GPR37L1: variants seen among roughly 807,000 people sequenced by gnomAD.
GPR37L1 encodes G protein-coupled receptor 37 like 1, also known as G protein-coupled receptor 37-like 1.
A neutral mutation model predicts 18.0 loss-of-function variants in GPR37L1; 18 were observed. The observed-to-expected ratio is 1.00, with a 90% CI of 0.69 to 1.49. The LOEUF (loss-of-function observed/expected upper bound fraction) is 1.49. Ranked by LOEUF, GPR37L1 falls within the 40% of genes most tolerant of loss-of-function variation. The probability of loss-of-function intolerance (pLI) is 0.00; values close to 1 mark genes in which losing one functional copy is unlikely to be tolerated. For synonymous variants in GPR37L1, 256 were observed against 273.9 expected (o/e 0.93, Z 0.65); for missense variants, 558 against 615.1 (o/e 0.91, Z 0.98).
rs553879439 is a variant in GPR37L1 at position 202,123,099 on chromosome 1, A to T, written c.136A>T (p.Arg46Trp). The T allele has an allele frequency of 1.2e-6, 2 of 1,613,682 alleles. No individual in the cohort carries two copies. Among genetic ancestry groups the T allele is most frequent in the Admixed American group, 3.3e-5 (2 of 59,974 alleles). ...CCAGGAGCAGCAGAGCCGATCCAAG[A>T]GGGGCACCGAGGATGAGGAGGCCAA... The part of the protein sequence containing the change: ...ETQEQQSRSK[R>W]GTEDEEAKGV... Residue 46 changes from arginine to tryptophan, a missense_variant, in exon 1 of 2, where the codon AGG (arginine) becomes TGG (tryptophan). Coordinates refer to ENST00000367282, the MANE Select transcript of GPR37L1 (RefSeq NM_004767.5).
rs777492681 is a variant in GPR37L1, at chr1:202,123,112, A to G, written c.149A>G (p.Asp50Gly). Residue 50 changes from aspartate (D) to glycine (G), a missense_variant, in exon 1 of 2, where the codon GAT becomes GGT. Coordinates refer to ENST00000367282, the MANE Select transcript of GPR37L1 (RefSeq NM_004767.5). Reference protein sequence around the residue: ...QQSRSKRGTEDEEAKGVQQYV... With the variant: ...QQSRSKRGTEGEEAKGVQQYV... ...AGCCGATCCAAGAGGGGCACCGAGG[A>G]TGAGGAGGCCAAGGGCGTGCAGCAG... 28 of 1,613,584 alleles carry G rather than the reference A, an allele frequency of 1.7e-5. No individual in the cohort carries two copies. The highest frequency in any genetic ancestry group is 2.3e-5 in the Non-Finnish European group (27 of 1,179,864).
At chr1:202,126,124 G>A (rs1263249848) in intron 1 of GPR37L1, among the ~76,000 whole-genome samples, 1 of 152,048 alleles carries the variant, frequency 6.6e-6, no homozygotes, top group Admixed American at 6.6e-5. Flanking sequence ...AAATAGAAGG[G>A]CAGGGCCGGG....
Position 202,127,819 on chromosome 1 carries a change from C to A in GPR37L1, c.709C>A (p.Pro237Thr), listed in dbSNP as rs762545189. ...DRFHVATSTLPKVRPIERCQS... is the reference protein window; with the variant it reads ...DRFHVATSTLTKVRPIERCQS... ...CTTCCACGTGGCCACCAGCACCCTG[C>A]CCAAGGTGAGGCCCATCGAGCGGTG... Residue 237 changes from proline to threonine, a missense_variant, in exon 2 of 2, where the codon CCC becomes ACC. Physicochemically the swap from Pro to Thr is conservative, Grantham distance 38. Coordinates refer to ENST00000367282, the MANE Select transcript of GPR37L1 (RefSeq NM_004767.5). The A allele has an allele frequency of 6.2e-7, 1 of 1,613,462 alleles. No individual in the cohort carries two copies. The highest frequency in any genetic ancestry group is 8.5e-7 in the Non-Finnish European group (1 of 1,179,622).
At chr1:202,124,540 C>CCT (rs901130318) in intron 1 of GPR37L1, among the ~76,000 whole-genome samples, 2 of 151,992 alleles carry the variant, frequency 1.3e-5, no homozygotes, top group African/African-American at 2.4e-5. Context: ...GCAAGGCCAC[C>CCT]CTCTCTCTCT....
In GPR37L1 at chr1:202,132,736, G is replaced by A. The variant is rs906660905; in HGVS notation, c.*4180G>A. On this transcript the variant is annotated 3_prime_UTR_variant, in exon 2 of 2. Coordinates refer to ENST00000367282, the MANE Select transcript of GPR37L1 (RefSeq NM_004767.5). ...TGAGCAGGCAGGGTCACCAGGCTCT[G>A]AGGCAGCAGCTGTGAGCAGTGCCGA... 2 of 152,508 alleles carry A rather than the reference G, an allele frequency of 1.3e-5. No individual in the cohort carries two copies. Among genetic ancestry groups the A allele is most frequent in the Admixed American group, 1.3e-4 (2 of 15,268 alleles). The allele number at this position is 152,508 out of a possible 1,614,324, so 9.4% of individuals were successfully genotyped here.
In GPR37L1 at chr1:202,127,900, G is replaced by C. The variant is rs750912841; in HGVS notation, c.790G>C (p.Val264Leu). 1.9e-6 allele frequency: 3 copies of C among 1,613,810 alleles called. No individual in the cohort carries two copies. Among genetic ancestry groups the C allele is most frequent in the Non-Finnish European group, 1.7e-6 (2 of 1,180,020 alleles). Residue 264 changes from valine (V) to leucine (L), a missense_variant, in exon 2 of 2, where the codon GTG becomes CTG. Val to Leu is a conservative substitution (Grantham distance 32, BLOSUM62 1). Coordinates refer to ENST00000367282, the MANE Select transcript of GPR37L1 (RefSeq NM_004767.5). The part of the protein sequence containing the change: ...VIWVGSMTLA[V>L]PELLLWQLAQ... Reference sequence around the variant, plus strand: ...CTGGGTGGGCTCCATGACGCTGGCTGTGCCTGAGCTCCTGCTGTGGCAGCT... The same window carrying C: ...CTGGGTGGGCTCCATGACGCTGGCTCTGCCTGAGCTCCTGCTGTGGCAGCT...
chr1:202,126,209 A>T (rs962296813), intron 1 of GPR37L1, among the ~76,000 whole-genome samples: 1 of 152,104 alleles, frequency 6.6e-6, no homozygotes, highest in Non-Finnish European at 1.5e-5. Context: ...GGAGATCGAG[A>T]CCATCCTGGC....
chr1:202,132,352 A>G lies in GPR37L1; in HGVS notation c.*3796A>G, dbSNP rs549233220. 3.9e-5 allele frequency: 6 copies of G among 152,392 alleles called. No homozygotes were observed. The highest frequency in any genetic ancestry group is 1.4e-4 in the African/African-American group (6 of 41,592). The allele number at this position is 152,392 out of a possible 1,614,324, so 9.4% of individuals were successfully genotyped here. ...TTGCTTAGGAGTTGGGAGGTACCCT[A>G]GAATCACTTAGCTTCAGATGCCAAA... On this transcript the variant is annotated 3_prime_UTR_variant, in exon 2 of 2. Transcript: ENST00000367282.
Position 202,130,252 on chromosome 1 carries a change from G to T in GPR37L1, c.*1696G>T, listed in dbSNP as rs150666140. Reference sequence around the variant, plus strand: ...TTCCTCAGAACCACCCCCCCTGTCTGAAGCTCTGTCCTGGGTCCCACCAGA... The same window carrying T: ...TTCCTCAGAACCACCCCCCCTGTCTTAAGCTCTGTCCTGGGTCCCACCAGA... On this transcript the variant is annotated 3_prime_UTR_variant, in exon 2 of 2. Coordinates refer to ENST00000367282, the MANE Select transcript of GPR37L1 (RefSeq NM_004767.5). 595 of 152,586 alleles carry T rather than the reference G, an allele frequency of 3.9e-3. 2 individuals are homozygous for T. Among genetic ancestry groups the T allele is most frequent in the Middle Eastern group, 0.031 (9 of 294 alleles). The allele number at this position is 152,586 out of a possible 1,614,324, so 9.5% of individuals were successfully genotyped here.
At chr1:202,127,653 G>C (rs1654706927) in intron 1 of GPR37L1, 88 bp from the exon 2 acceptor site, 2 of 900,118 alleles carry the variant, frequency 2.2e-6, no homozygotes, top group Non-Finnish European at 3.5e-6. Flanking sequence ...TCAATTCATG[G>C]TCTAACTGAG....
intron 1 of GPR37L1, among the ~76,000 whole-genome samples, chr1:202,127,256 C>G (rs1442794663): frequency 6.6e-6 from 1 of 151,828 alleles, no homozygotes; most frequent in East Asian, 1.9e-4. Flanking sequence ...GGAGTTGTTA[C>G]CATTATTATA....
In GPR37L1 at chr1:202,128,396, A is replaced by ACTGCTG. The variant is rs749733623; in HGVS notation, c.1302_1307dup (p.Cys435_Cys436dup). 12 of 1,610,006 alleles carry ACTGCTG rather than the reference A, an allele frequency of 7.5e-6. No individual in the cohort carries two copies. The East Asian group carries it at 1.1e-4, about 15-fold the overall frequency. Reference sequence around the variant, plus strand: ...AGGCCGCTGGGCCAGGCCTTCCTGGACTGCTGCTGCTGCTGCTGCTGTGAG... The same window carrying ACTGCTG: ...AGGCCGCTGGGCCAGGCCTTCCTGGACTGCTGCTGCTGCTGCTGCTGCTGCTGTGAG... On this transcript the variant is annotated inframe_insertion, in exon 2 of 2. Coordinates refer to ENST00000367282, the MANE Select transcript of GPR37L1 (RefSeq NM_004767.5).
rs988398481 is a variant in GPR37L1, at chr1:202,124,027, G to T, written c.630+434G>T. On this transcript the variant is annotated intron_variant, in intron 1 of 1. Transcript: ENST00000367282. ...CCCTGCTCCCACAGCTTCCTTCGCT[G>T]CTCCTCCGTCTCCTGCCTCCTGAAG... Among the ~76,000 whole-genome samples the T allele has an allele frequency of 3.4e-4, 51 of 152,114 alleles. 1 individual carries two copies. The highest frequency in any genetic ancestry group is 1.2e-3 in the African/African-American group (51 of 41,422).
chr1:202,128,075 T>A lies in GPR37L1; in HGVS notation c.965T>A (p.Ile322Asn). 6.2e-7 allele frequency: 1 copy of A among 1,614,080 alleles called. No homozygotes were observed. The highest frequency in any genetic ancestry group is 2.2e-5 in the East Asian group (1 of 44,872). The change falls in exon 2 of 2, where the codon ATC becomes AAC. Residue 322 changes from isoleucine to asparagine, a missense_variant. Coordinates refer to ENST00000367282, the MANE Select transcript of GPR37L1 (RefSeq NM_004767.5). ...WYFGCYFCLP[I>N]LFTVTCQLVT... ...TTTGGCTGCTACTTCTGCCTGCCCA[T>A]CCTCTTCACAGTCACCTGCCAGCTG... is the stretch of plus-strand genomic sequence containing the variant.
chr1:202,127,860 C>T lies in GPR37L1; in HGVS notation c.750C>T (p.Ala250=). 1 of 1,613,978 alleles carries T rather than the reference C, an allele frequency of 6.2e-7. No individual in the cohort carries two copies. Residue 250 remains alanine, a synonymous_variant, in exon 2 of 2, where the codon GCC becomes GCT. Transcript: ENST00000367282. ...TCGAGCGGTGCCAATCCATCCTGGC[C>T]AAGTTGGCTGTCATCTGGGTGGGCT... ...RPIERCQSIL[A]KLAVIWVGSM...
chr1:202,130,837 C>G lies in GPR37L1; in HGVS notation c.*2281C>G, dbSNP rs1654831192. ...GGGTGAACTGAGGTGAAGTCCAGGG[C>G]AGGGGAGTCAGACCCCTCAACATCC... is the stretch of plus-strand genomic sequence containing the variant. On this transcript the variant is annotated 3_prime_UTR_variant, in exon 2 of 2. Transcript: ENST00000367282. 1 of 152,236 alleles carries G rather than the reference C, an allele frequency of 6.6e-6. No homozygotes were observed. The highest frequency in any genetic ancestry group is 1.5e-5 in the Non-Finnish European group (1 of 68,060). The allele number at this position is 152,236 out of a possible 1,614,324, so 9.4% of individuals were successfully genotyped here. A position where few individuals can be genotyped will look rare whatever the true frequency, so the allele number is the denominator to read the frequency against.
intron 1 of GPR37L1, among the ~76,000 whole-genome samples, chr1:202,124,035 G>A (rs967897067): frequency 3.8e-4 from 57 of 151,916 alleles, no homozygotes; most frequent in Non-Finnish European, 2.4e-4. Context: ...CTGCTCCTCC[G>A]TCTCCTGCCT....
chr1:202,123,509 C>A lies in GPR37L1; in HGVS notation c.546C>A (p.Phe182Leu). Residue 182 changes from phenylalanine (F) to leucine (L), a missense_variant, in exon 1 of 2, where the codon TTC (phenylalanine) becomes TTA (leucine). Transcript: ENST00000367282. Reference sequence around the variant, plus strand: ...TCTGGGATTTTCTGGTCCTCTTTTTCTGCCTCCCTATTGTCATCTTCAACG... The same window carrying A: ...TCTGGGATTTTCTGGTCCTCTTTTTATGCCTCCCTATTGTCATCTTCAACG... The part of the protein sequence containing the change: ...LALWDFLVLF[F>L]CLPIVIFNEI... 6.2e-7 allele frequency: 1 copy of A among 1,613,910 alleles called. No individual in the cohort carries two copies. Among genetic ancestry groups the A allele is most frequent in the South Asian group, 1.1e-5 (1 of 91,072 alleles).
Position 202,123,236 on chromosome 1 carries a change from G to C in GPR37L1, c.273G>C (p.Lys91Asn). Reference sequence around the variant, plus strand: ...TGGCCACCAGCCCTAACCCCGGCAAGGATGGGGGCACCCCAGACAGTGGGC... The same window carrying C: ...TGGCCACCAGCCCTAACCCCGGCAACGATGGGGGCACCCCAGACAGTGGGC... ...PLVATSPNPG[K>N]DGGTPDSGQE... The change falls in exon 1 of 2, where the codon AAG becomes AAC. Residue 91 changes from lysine to asparagine, a missense_variant. By Grantham distance (94) the Lys-to-Asn change is moderately conservative. Coordinates refer to ENST00000367282, the MANE Select transcript of GPR37L1 (RefSeq NM_004767.5). 1 of 1,614,014 alleles carries C rather than the reference G, an allele frequency of 6.2e-7. No homozygotes were observed. The highest frequency in any genetic ancestry group is 8.5e-7 in the Non-Finnish European group (1 of 1,180,004).
Sources: gnomAD v4.1 joint callset for allele counts (sites outside exome capture counted in the v4.1 genomes callset) on GRCh38, gnomAD v4.1.1 for gene constraint, MANE v1.5 for transcripts, NCBI Gene and HGNC (gene_info 2026-07-23, HGNC 2026-07-21) for gene names.